Variants in FOXP1 observed in about 807,000 individuals in gnomAD.
FOXP1 encodes forkhead box protein P1.
In FOXP1, 15 loss-of-function variants were observed where a neutral mutation model predicts 98.2. That is an observed-to-expected ratio of 0.15 (90% CI 0.10 to 0.24). The LOEUF is 0.24. Among genes scored for constraint, FOXP1 ranks in the 10% least tolerant of loss-of-function variants. The pLI is 1.00. For synonymous variants in FOXP1, 371 were observed against 314.5 expected, an observed-to-expected ratio of 1.18 and a Z score of -1.90; for missense variants, 633 against 848.5, an observed-to-expected ratio of 0.75 and a Z score of 3.15.
At chr3:71,138,334 T>A (rs1231383854) in intron 6 of FOXP1, among the ~76,000 whole-genome samples, 1 of 152,202 alleles carries the variant, frequency 6.6e-6, no homozygotes, top group Non-Finnish European at 1.5e-5. Context: ...CTGTTAATAA[T>A]ACATCATTAT....
chr3:71,051,515 G>C (rs1000945274), intron 9 of FOXP1, among the ~76,000 whole-genome samples: 1 of 152,192 alleles, frequency 6.6e-6, no homozygotes, highest in Non-Finnish European at 1.5e-5. Context: ...CAGGGACGTC[G>C]AGTCACCTGG....
chr3:71,113,752 T>TAAAATAAAATAAAAC (rs1273379683), intron 6 of FOXP1, among the ~76,000 whole-genome samples: 1 of 150,414 alleles, frequency 6.6e-6, no homozygotes, highest in Non-Finnish European at 1.5e-5. Context: ...TAAAATAAAA[T>TAAAATAAAATAAAAC]AAAATAAAAG....
intron 3 of FOXP1, among the ~76,000 whole-genome samples, chr3:71,413,236 GAC>G (rs1230276016): frequency 2.1e-5 from 1 of 47,550 alleles, no homozygotes; most frequent in Non-Finnish European, 3.6e-5. Flanking sequence ...CCCCCAAATA[GAC>G]ACACACACAT....
At chr3:71,411,265 G>A (rs1451222282) in intron 3 of FOXP1, among the ~76,000 whole-genome samples, 1 of 149,860 alleles carries the variant, frequency 6.7e-6, no homozygotes, top group Non-Finnish European at 1.5e-5. Context: ...ACTTAAACCA[G>A]AGGCTGAATG....
intron 2 of FOXP1, among the ~76,000 whole-genome samples, chr3:71,508,823 T>C (rs544783379): frequency 6.6e-6 from 1 of 152,312 alleles, no homozygotes; most frequent in Non-Finnish European, 1.5e-5. Flanking sequence ...GAATTCCAGC[T>C]CTGACCCTGG....
At chr3:71,203,450 T>C (rs568911096) in intron 5 of FOXP1, among the ~76,000 whole-genome samples, 1 of 152,324 alleles carries the variant, frequency 6.6e-6, no homozygotes, top group South Asian at 2.1e-4. Flanking sequence ...TCCAGGCCAA[T>C]GTATTTATAG....
At chr3:71,518,009 T>G (rs889442367) in intron 2 of FOXP1, among the ~76,000 whole-genome samples, 2 of 152,158 alleles carry the variant, frequency 1.3e-5, no homozygotes, top group Non-Finnish European at 2.9e-5. Flanking sequence ...CAAGAAATGG[T>G]CCAATGGAAC....
At position 70,955,630 on chromosome 3, in the gene FOXP1, T is replaced by C. The variant is rs1365732267; in HGVS notation, c.*3617A>G. ...GACACTCCCCATTGTTAATCACTAC[T>C]TCACTGATAAACTTGGAAAAGTGTG... On this transcript the variant is annotated 3_prime_UTR_variant, in exon 21 of 21. Coordinates refer to ENST00000649528, the MANE Select transcript of FOXP1 (RefSeq NM_001349338.3). The C allele has an allele frequency of 8.6e-6, 2 of 233,346 alleles. No homozygotes were observed. The highest frequency in any genetic ancestry group is 1.7e-5 in the Non-Finnish European group (2 of 117,986). 14.5% of individuals were successfully genotyped at this position (233,346 alleles called of 1,614,324 possible).
chr3:71,128,519 AG>A (rs995303638), intron 6 of FOXP1, among the ~76,000 whole-genome samples: 1 of 152,150 alleles, frequency 6.6e-6, no homozygotes, highest in Non-Finnish European at 1.5e-5. Flanking sequence ...CTTTAAAGAG[AG>A]GGGCAAAATG....
At chr3:71,382,689 A>G (rs2080269406) in intron 3 of FOXP1, among the ~76,000 whole-genome samples, 1 of 152,230 alleles carries the variant, frequency 6.6e-6, no homozygotes, top group African/African-American at 2.4e-5. Context: ...AAAGCAGAGC[A>G]GAGAGCTGGA....
chr3:71,232,979 ACT>A (rs1491191078), intron 5 of FOXP1, among the ~76,000 whole-genome samples: 50 of 150,288 alleles, frequency 3.3e-4, no homozygotes, highest in African/African-American at 1.1e-3. Context: ...TACTACTACT[ACT>A]ACTAATAATA....
At chr3:71,106,334 T>C (rs2057421029) in intron 7 of FOXP1, among the ~76,000 whole-genome samples, 1 of 152,184 alleles carries the variant, frequency 6.6e-6, no homozygotes, top group African/African-American at 2.4e-5. Flanking sequence ...CAAACTGAGT[T>C]CCTTATTTTT....
At chr3:71,569,589 T>C (rs1383536402) in intron 2 of FOXP1, among the ~76,000 whole-genome samples, 1 of 152,152 alleles carries the variant, frequency 6.6e-6, no homozygotes, top group Non-Finnish European at 1.5e-5. Context: ...ATAAGGAACA[T>C]CATCTATATA....
At chr3:71,559,860 G>A (rs1236626539) in intron 2 of FOXP1, among the ~76,000 whole-genome samples, 1 of 151,290 alleles carries the variant, frequency 6.6e-6, no homozygotes, top group Non-Finnish European at 1.5e-5. Context: ...GCTGCTGGGG[G>A]TTGCGGGGGG....
intron 3 of FOXP1, among the ~76,000 whole-genome samples, chr3:71,373,473 T>C (rs2079490558): frequency 1.3e-5 from 2 of 152,158 alleles, no homozygotes; most frequent in African/African-American, 4.8e-5. Context: ...AGCCAAAGCA[T>C]TGGTTAGAAG....
intron 3 of FOXP1, among the ~76,000 whole-genome samples, chr3:71,423,859 T>C (rs2083868318): frequency 6.6e-6 from 1 of 152,244 alleles, no homozygotes; most frequent in African/African-American, 2.4e-5. Flanking sequence ...TCAGCTTGTC[T>C]TAGGTCACAT....
intron 3 of FOXP1, among the ~76,000 whole-genome samples, chr3:71,399,687 C>T (rs1374460154): frequency 1.3e-5 from 2 of 152,158 alleles, no homozygotes; most frequent in Admixed American, 6.5e-5. Context: ...CACATCTCAA[C>T]CTTTGAAAGG....
At chr3:71,121,017 C>A (rs2058723172) in intron 6 of FOXP1, among the ~76,000 whole-genome samples, 1 of 148,318 alleles carries the variant, frequency 6.7e-6, no homozygotes, top group Non-Finnish European at 1.5e-5. Flanking sequence ...GAAAAGATGG[C>A]AAAAAATTAT....
At chr3:71,554,165 T>C (rs1424369710) in intron 2 of FOXP1, among the ~76,000 whole-genome samples, 2 of 152,054 alleles carry the variant, frequency 1.3e-5, no homozygotes, top group Non-Finnish European at 2.9e-5. Context: ...CTGGGTAACA[T>C]AGCAAGACCC....
Sources: gnomAD v4.1 joint callset for allele counts (sites outside exome capture counted in the v4.1 genomes callset) on GRCh38, gnomAD v4.1.1 for gene constraint, MANE v1.5 for transcripts, NCBI Gene and HGNC (gene_info 2026-07-23, HGNC 2026-07-21) for gene names.